Variants in DPY19L3 observed in about 807,000 individuals in gnomAD.
DPY19L3 encodes protein C-mannosyl-transferase DPY19L3.
In DPY19L3, 51 loss-of-function variants were observed where a neutral mutation model predicts 92.3. That is an observed-to-expected ratio of 0.55 (90% CI 0.44 to 0.70). The LOEUF (loss-of-function observed/expected upper bound fraction) is 0.70, where lower values mean the gene tolerates loss of function less well. DPY19L3 is among the 30% of genes least tolerant of loss of function. The pLI, the probability that DPY19L3 is intolerant of heterozygous loss-of-function variation, is 0.00. For missense variants in DPY19L3, 706 were observed against 855.9 expected (o/e 0.82, Z 2.18); for synonymous variants, 309 against 315.2 (o/e 0.98, Z 0.21).
At chr19:32,447,437 G>T (rs1599637928) in intron 8 of DPY19L3, among the ~76,000 whole-genome samples, 1 of 152,296 alleles carries the variant, frequency 6.6e-6, no homozygotes, top group African/African-American at 2.4e-5. Flanking sequence ...AGCTAGCTTG[G>T]TCGGGCACGG....
intron 8 of DPY19L3, among the ~76,000 whole-genome samples, chr19:32,440,841 AT>A (rs1274414479): frequency 6.6e-6 from 1 of 152,168 alleles, no homozygotes; most frequent in East Asian, 1.9e-4. Flanking sequence ...AAGAAAAGTT[AT>A]TTTTAGGCAG....
At chr19:32,481,874 G>A (rs1970683137) in intron 18 of DPY19L3, 6 of 580,448 alleles carry the variant, frequency 1.0e-5, no homozygotes, top group Admixed American at 3.2e-5. Flanking sequence ...GTGTGACGCT[G>A]CACTCTCCTT....
Position 32,477,510 on chromosome 19 carries a change from A to G in DPY19L3, c.1698-12A>G, listed in dbSNP as rs1322592461. On this transcript the variant is annotated splice_polypyrimidine_tract_variant and intron_variant, in intron 16 of 18. Transcript: ENST00000392250. ...TAACAGTGGGGTTAATTCAGACTCT[A>G]AAATCTTTCAGCTCTAACACTCCAA... 1 of 1,614,076 alleles carries G rather than the reference A, an allele frequency of 6.2e-7. No individual in the cohort carries two copies. The highest frequency in any genetic ancestry group is 1.7e-5 in the Admixed American group (1 of 60,020).
At chr19:32,479,327 C>T (rs1849357929) in intron 17 of DPY19L3, among the ~76,000 whole-genome samples, 1 of 152,018 alleles carries the variant, frequency 6.6e-6, no homozygotes, top group Non-Finnish European at 1.5e-5. Flanking sequence ...GTGGCCTCTA[C>T]TGCTTGGACT....
chr19:32,422,508 A>G (rs1013402980), intron 3 of DPY19L3, among the ~76,000 whole-genome samples: 6 of 152,118 alleles, frequency 3.9e-5, no homozygotes, highest in African/African-American at 1.2e-4. Context: ...AGGTCAACAA[A>G]ATGAAAGGAG....
chr19:32,417,383 G>C (rs946486767), intron 3 of DPY19L3, among the ~76,000 whole-genome samples: 2 of 152,154 alleles, frequency 1.3e-5, no homozygotes, highest in Admixed American at 6.5e-5. Context: ...GCAGTGGCAC[G>C]ATCTCAGCTC....
At chr19:32,439,044 T>C (rs1969239410) in intron 6 of DPY19L3, 68 bp from the exon 7 acceptor site, 1 of 1,539,044 alleles carries the variant, frequency 6.5e-7, no homozygotes, top group African/African-American at 1.4e-5. Context: ...TATCTTTCGT[T>C]GAGGAAGTCT....
At chr19:32,437,053 AATAG>A in intron 5 of DPY19L3, 137 bp from the exon 6 acceptor site, 6 of 903,300 alleles carry the variant, frequency 6.6e-6, no homozygotes, top group Non-Finnish European at 9.7e-6. Context: ...ACGCTTCTCT[AATAG>A]ATGAAAGGGG....
rs1164922884 is a variant in DPY19L3, at chr19:32,483,933, C to G, written c.*1693C>G. On this transcript the variant is annotated 3_prime_UTR_variant, in exon 19 of 19. Coordinates refer to ENST00000392250, the MANE Select transcript of DPY19L3 (RefSeq NM_001172774.2). The stretch of plus-strand genomic sequence containing the variant: ...GTGCCTTACTCTAATTGAAACCAAG[C>G]ACACGTAAGGTACAATATGTTAGAC... 6.6e-6 allele frequency: 1 copy of G among 152,590 alleles called. No homozygotes were observed. Among genetic ancestry groups the G allele is most frequent in the East Asian group, 1.9e-4 (1 of 5,196 alleles). The allele number at this position is 152,590 out of a possible 1,614,324, so 9.5% of individuals were successfully genotyped here.
intron 15 of DPY19L3, among the ~76,000 whole-genome samples, chr19:32,467,152 T>C (rs935545945): frequency 1.3e-5 from 2 of 152,230 alleles, no homozygotes; most frequent in Non-Finnish European, 2.9e-5. Flanking sequence ...CTTAATTGGA[T>C]TGCTGAAATC....
At chr19:32,422,961 T>TTACA (rs1357434694) in intron 3 of DPY19L3, among the ~76,000 whole-genome samples, 5 of 152,178 alleles carry the variant, frequency 3.3e-5, no homozygotes, top group Admixed American at 3.3e-4. Flanking sequence ...AGAAAGTGAT[T>TTACA]TACACATTTT....
At chr19:32,447,725 ATAGATAG>A (rs1969545080) in intron 8 of DPY19L3, among the ~76,000 whole-genome samples, 1 of 29,302 alleles carries the variant, frequency 3.4e-5, no homozygotes, top group Non-Finnish European at 6.5e-5. Flanking sequence ...TCATTCATAG[ATAGATAG>A]ATAGATAGAT....
At chr19:32,447,816 T>TAGA (rs1555721982) in intron 8 of DPY19L3, among the ~76,000 whole-genome samples, 85 of 89,912 alleles carry the variant, frequency 9.5e-4, no homozygotes, top group South Asian at 4.2e-3. Flanking sequence ...GATAGATAGA[T>TAGA]TAGATAGATA....
intron 8 of DPY19L3, among the ~76,000 whole-genome samples, chr19:32,448,745 A>G (rs1486662229): frequency 1.3e-5 from 2 of 152,146 alleles, no homozygotes; most frequent in Admixed American, 1.3e-4. Flanking sequence ...AAGAAAATCT[A>G]TGTATAATTG....
chr19:32,440,736 A>T (rs1309251222), intron 8 of DPY19L3, among the ~76,000 whole-genome samples: 1 of 152,236 alleles, frequency 6.6e-6, no homozygotes, highest in Non-Finnish European at 1.5e-5. Flanking sequence ...TCATAGCCAC[A>T]GTTTGCCTTT....
chr19:32,453,147 G>T lies in DPY19L3; in HGVS notation c.858G>T (p.Ala286=). ...CATCTAATCTTTGGTTCTTGCAGGC[G>T]ACATGGCTGTATGGAATACAGATAA... ...DSLDMLPAVK[A]TWLYGIQITS... The change falls in exon 9 of 19, where the codon GCG becomes GCT. Residue 286 remains alanine, a splice_region_variant and synonymous_variant. Transcript: ENST00000392250. 1.2e-6 allele frequency: 2 copies of T among 1,613,612 alleles called. No individual in the cohort carries two copies. Among genetic ancestry groups the T allele is most frequent in the Non-Finnish European group, 1.7e-6 (2 of 1,179,886 alleles).
chr19:32,482,420 C>A lies in DPY19L3; in HGVS notation c.*180C>A, dbSNP rs1315524911. ...GAAAGCATCTTCTACAAGCAGAAGT[C>A]TTTTTCGTTGTGTGTCTATCTTTCT... On this transcript the variant is annotated 3_prime_UTR_variant, in exon 19 of 19. Transcript: ENST00000392250. 6 of 663,838 alleles carry A rather than the reference C, an allele frequency of 9.0e-6. No individual in the cohort carries two copies. Among genetic ancestry groups the A allele is most frequent in the Non-Finnish European group, 1.5e-5 (6 of 407,800 alleles). 41.1% of individuals were successfully genotyped at this position (663,838 alleles called of 1,614,324 possible).
At chr19:32,470,781 C>CTTTTTTTTTTTT (rs71336911) in intron 16 of DPY19L3, among the ~76,000 whole-genome samples, 79 of 91,204 alleles carry the variant, frequency 8.7e-4, no homozygotes, top group African/African-American at 1.5e-3. Context: ...ATTCCTTTGG[C>CTTTTTTTTTTTT]TTTTTTTTTT....
At chr19:32,428,349 A>G (rs1244601327) in intron 3 of DPY19L3, among the ~76,000 whole-genome samples, 1 of 152,052 alleles carries the variant, frequency 6.6e-6, no homozygotes, top group Non-Finnish European at 1.5e-5. Flanking sequence ...AAAAAAAGCA[A>G]GAGGAGAAAG....
Sources: gnomAD v4.1 joint callset for allele counts (sites outside exome capture counted in the v4.1 genomes callset) on GRCh38, gnomAD v4.1.1 for gene constraint, MANE v1.5 for transcripts, NCBI Gene and HGNC (gene_info 2026-07-23, HGNC 2026-07-21) for gene names.